Variants in USH2A observed in about 807,000 individuals in gnomAD.
USH2A encodes usherin.
A neutral mutation model predicts 538.9 loss-of-function variants in USH2A; 443 were observed. That is an observed-to-expected ratio of 0.82 (90% CI 0.76 to 0.89). The LOEUF is 0.89. USH2A is among the 40% of genes least tolerant of loss of function. The probability of loss-of-function intolerance (pLI) is 0.00; values close to 1 mark genes in which losing one functional copy is unlikely to be tolerated. For synonymous variants in USH2A, 2,413 were observed against 2,273.5 expected (o/e 1.06, Z -1.75); for missense variants, 6,633 against 6,324.8 (o/e 1.05, Z -1.65).
intron 37 of USH2A, among the ~76,000 whole-genome samples, chr1:215,951,362 T>C (rs1666907226): frequency 6.6e-6 from 1 of 152,194 alleles, no homozygotes; most frequent in African/African-American, 2.4e-5. Flanking sequence ...AGTTGAGCGG[T>C]TTTGAGTGAG....
At chr1:216,152,682 C>T (rs993547136) in intron 21 of USH2A, among the ~76,000 whole-genome samples, 13 of 152,098 alleles carry the variant, frequency 8.5e-5, no homozygotes, top group Non-Finnish European at 1.3e-4. Flanking sequence ...CACACGGACA[C>T]GCATGAAATC....
chr1:215,926,243 C>T (rs994109477), intron 38 of USH2A, among the ~76,000 whole-genome samples: 1 of 151,066 alleles, frequency 6.6e-6, no homozygotes, highest in Admixed American at 6.6e-5. Context: ...ATACCATTCT[C>T]CACCTGGCTG....
chr1:215,890,644 T>A (rs2102462006), intron 40 of USH2A, among the ~76,000 whole-genome samples: 1 of 152,314 alleles, frequency 6.6e-6, no homozygotes, highest in South Asian at 2.1e-4. Flanking sequence ...ATTTTAAAGC[T>A]TTCTTAAAAC....
At chr1:216,250,529 A>C (rs982213316) in intron 12 of USH2A, among the ~76,000 whole-genome samples, 2 of 152,186 alleles carry the variant, frequency 1.3e-5, no homozygotes, top group Non-Finnish European at 2.9e-5. Flanking sequence ...TATTAAGAAA[A>C]CTAGCATGGA....
chr1:216,269,925 C>T (rs148812900), intron 11 of USH2A, among the ~76,000 whole-genome samples: 118 of 152,172 alleles, frequency 7.8e-4, no homozygotes, highest in African/African-American at 2.7e-3. Flanking sequence ...GTTTTCTTTA[C>T]ATTAGGAGAT....
At chr1:215,680,402 T>G (rs767694684) in intron 61 of USH2A, 26 bp from the exon 62 acceptor site, 1 of 1,502,396 alleles carries the variant, frequency 6.7e-7, no homozygotes, top group South Asian at 1.1e-5. Flanking sequence ...CAGGTTAAGT[T>G]GTTGTTTTTT....
At position 216,147,233 on chromosome 1, in the gene USH2A, C is replaced by T. The variant is rs560761375; in HGVS notation, c.4627+28019G>A. On this transcript the variant is annotated intron_variant, in intron 21 of 71. Coordinates refer to ENST00000307340, the MANE Select transcript of USH2A (RefSeq NM_206933.4). ...CTCCCTTCCTCCCCAGGTTGTTCCT[C>T]GCCAGGCCGAGCTAGGTCCCAATTC... is the stretch of plus-strand genomic sequence containing the variant. 1.5e-3 allele frequency among the ~76,000 whole-genome samples: 221 copies of T among 152,096 alleles called. 2 individuals are homozygous for T. Among genetic ancestry groups the T allele is most frequent in the African/African-American group, 4.9e-3 (203 of 41,464 alleles).
At chr1:216,045,436 A>T (rs1376201016) in intron 32 of USH2A, among the ~76,000 whole-genome samples, 1 of 152,182 alleles carries the variant, frequency 6.6e-6, no homozygotes, top group Non-Finnish European at 1.5e-5. Context: ...GTTTCCTCTA[A>T]GATCTAAAAT....
chr1:216,064,777 A>G (rs1004523185), intron 30 of USH2A, among the ~76,000 whole-genome samples: 2 of 152,164 alleles, frequency 1.3e-5, no homozygotes, highest in Non-Finnish European at 2.9e-5. Flanking sequence ...CAGCCCAGGA[A>G]CAATAGGCTA....
Position 215,674,281 on chromosome 1 carries a change from C to A in USH2A, c.13630G>T (p.Gly4544Cys), listed in dbSNP as rs1466674340. The A allele has an allele frequency of 6.2e-7, 1 of 1,614,050 alleles. No individual in the cohort carries two copies. The highest frequency in any genetic ancestry group is 8.5e-7 in the Non-Finnish European group (1 of 1,180,006). The change falls in exon 63 of 72, where the codon GGT becomes TGT. Residue 4544 changes from glycine to cysteine, a missense_variant. By Grantham distance (159) the Gly-to-Cys change is radical (BLOSUM62 -3). Transcript: ENST00000307340. ...GMEPPKLQAR[G>C]PQEILVNWDP... is the part of the protein sequence containing the mutation. Reference sequence around the variant, plus strand: ...CAGTTCACTAAGATCTCCTGAGGACCCCTGGCCTGCAATTTTGGAGGTTCC... The same window carrying A: ...CAGTTCACTAAGATCTCCTGAGGACACCTGGCCTGCAATTTTGGAGGTTCC...
At chr1:216,383,715 T>C (rs1047234676) in intron 3 of USH2A, among the ~76,000 whole-genome samples, 4 of 152,180 alleles carry the variant, frequency 2.6e-5, no homozygotes, top group Non-Finnish European at 4.4e-5. Flanking sequence ...TCTGGCTCTG[T>C]TGCCTAGGCT....
At chr1:215,818,524 T>A (rs1662922419) in intron 47 of USH2A, among the ~76,000 whole-genome samples, 1 of 151,900 alleles carries the variant, frequency 6.6e-6, no homozygotes, top group Non-Finnish European at 1.5e-5. Flanking sequence ...AAGAAAATGT[T>A]TGATTTTAAA....
Position 216,007,942 on chromosome 1 carries a change from G to A in USH2A, c.6326-7380C>T, listed in dbSNP as rs151268225. Reference sequence around the variant, plus strand: ...CACAGAGATAGAGACATACATATATGTCTTGAAGACTGAAATTTATGAATG... The same window carrying A: ...CACAGAGATAGAGACATACATATATATCTTGAAGACTGAAATTTATGAATG... On this transcript the variant is annotated intron_variant, in intron 32 of 71. Coordinates refer to ENST00000307340, the MANE Select transcript of USH2A (RefSeq NM_206933.4). Among the ~76,000 whole-genome samples the A allele has an allele frequency of 3.9e-5, 6 of 152,330 alleles. No individual in the cohort carries two copies. The East Asian group carries it at 9.6e-4, about 24-fold the overall frequency.
chr1:216,411,049 G>A (rs886445106), intron 3 of USH2A, among the ~76,000 whole-genome samples: 1 of 151,488 alleles, frequency 6.6e-6, no homozygotes, highest in African/African-American at 2.4e-5. Context: ...CTCATCTCCT[G>A]TCCTTCACAT....
chr1:216,325,471 T>C lies in USH2A; in HGVS notation c.977A>G (p.Asp326Gly), dbSNP rs769189385. Reference protein sequence around the residue: ...QRYCIPNDAGDTADNRVSRLN... With the variant: ...QRYCIPNDAGGTADNRVSRLN... ...CCGTGACACTCTATTATCAGCTGTG[T>C]CTCCTGCATCATTAGGAATGCAGTA... The change falls in exon 6 of 72, where the codon GAC (aspartate) becomes GGC (glycine). Residue 326 changes from aspartate to glycine, a missense_variant. Coordinates refer to ENST00000307340, the MANE Select transcript of USH2A (RefSeq NM_206933.4). 10 of 1,613,948 alleles carry C rather than the reference T, an allele frequency of 6.2e-6. 2 individuals are homozygous for C. The South Asian group carries it at 9.9e-5, about 16-fold the overall frequency.
intron 21 of USH2A, among the ~76,000 whole-genome samples, chr1:216,156,005 A>T (rs2033929787): frequency 6.6e-6 from 1 of 152,210 alleles, no homozygotes; most frequent in African/African-American, 2.4e-5. Context: ...CATTCTTGGT[A>T]TCAGGCTGTA....
chr1:216,291,212 T>C (rs1342129394), intron 10 of USH2A, among the ~76,000 whole-genome samples: 3 of 152,170 alleles, frequency 2.0e-5, no homozygotes, highest in Non-Finnish European at 2.9e-5. Context: ...CCTGCCTTCC[T>C]TCCTAATATC....
At chr1:215,934,232 C>A (rs1043909372) in intron 38 of USH2A, among the ~76,000 whole-genome samples, 4 of 151,928 alleles carry the variant, frequency 2.6e-5, no homozygotes, top group Non-Finnish European at 5.9e-5. Context: ...GAATGAGAAC[C>A]ATTTGCAGTA....
chr1:215,802,634 T>C (rs1348226801), intron 49 of USH2A, among the ~76,000 whole-genome samples: 1 of 152,044 alleles, frequency 6.6e-6, no homozygotes, highest in Non-Finnish European at 1.5e-5. Flanking sequence ...TATGGAGAAA[T>C]TGGCACACTT....
Sources: gnomAD v4.1 joint callset for allele counts (sites outside exome capture counted in the v4.1 genomes callset) on GRCh38, gnomAD v4.1.1 for gene constraint, MANE v1.5 for transcripts, NCBI Gene and HGNC (gene_info 2026-07-23, HGNC 2026-07-21) for gene names.